Variants in MRPL43 observed in about 807,000 individuals in gnomAD.
The protein encoded by MRPL43 is large ribosomal subunit protein mL43.
A neutral mutation model predicts 12.7 loss-of-function variants in MRPL43; 9 were observed. The ratio of observed to expected loss-of-function variants is 0.71; its 90% CI spans 0.43 to 1.24. The LOEUF is 1.24. Ranked by LOEUF, MRPL43 falls within the 50% of genes most tolerant of loss-of-function variation. The probability of loss-of-function intolerance (pLI) is 0.00; values close to 1 mark genes in which losing one functional copy is unlikely to be tolerated. For synonymous variants in MRPL43, 116 were observed against 96.4 expected, an observed-to-expected ratio of 1.20 and a Z score of -1.19; for missense variants, 211 against 229.2, an observed-to-expected ratio of 0.92 and a Z score of 0.51.
At chr10:100,979,820 A>T, downstream of MRPL43, 1 of 1,609,860 alleles carries the variant, frequency 6.2e-7, no homozygotes, top group Non-Finnish European at 8.5e-7. Flanking sequence ...CATGTAACTC[A>T]CCCCCCTTGC....
At chr10:100,978,830 C>T (rs752931402), downstream of MRPL43, 1 of 1,610,914 alleles carries the variant, frequency 6.2e-7, no homozygotes, top group African/African-American at 1.3e-5. Flanking sequence ...AAAAGCCTCT[C>T]AAACTGCCTG....
At chr10:100,980,914 C>G, downstream of MRPL43, 2 of 1,612,468 alleles carry the variant, frequency 1.2e-6, no homozygotes, top group Non-Finnish European at 1.7e-6. Flanking sequence ...GCATCTTGGC[C>G]CGAGACCCCT....
At chr10:100,983,770 G>A (rs531476226), downstream of MRPL43, 20 of 1,609,794 alleles carry the variant, frequency 1.2e-5, no homozygotes, top group East Asian at 4.5e-5. Flanking sequence ...CGGGCCAGCC[G>A]GGCAGGAGGA....
At chr10:100,978,457 C>T, downstream of MRPL43, 1 of 1,592,288 alleles carries the variant, frequency 6.3e-7, no homozygotes, top group Non-Finnish European at 8.6e-7. Flanking sequence ...CTAGGACCTG[C>T]CACCATGTAT....
chr10:100,982,062 CAAAA>C (rs34646595), downstream of MRPL43, among the ~76,000 whole-genome samples: 2 of 126,842 alleles, frequency 1.6e-5, no homozygotes, highest in Admixed American at 8.3e-5. Context: ...CATCTCATCT[CAAAA>C]AAAAAAAAAA....
downstream of MRPL43, chr10:100,978,878 C>T (rs760610802): frequency 1.3e-5 from 21 of 1,614,124 alleles, no homozygotes; most frequent in Middle Eastern, 1.2e-3. Flanking sequence ...CGTCCTCGTG[C>T]GGGAGAGCAA....
chr10:100,983,713 G>C, downstream of MRPL43: 1 of 1,613,608 alleles, frequency 6.2e-7, no homozygotes, highest in Non-Finnish European at 8.5e-7. Flanking sequence ...TATGTGGCCT[G>C]TCTGCGGGAA....
downstream of MRPL43, chr10:100,981,242 T>A: frequency 1.2e-6 from 2 of 1,613,774 alleles, no homozygotes; most frequent in Non-Finnish European, 1.7e-6. Context: ...AAGTGACTCA[T>A]ATGAGTGTGG....
At chr10:100,984,765 C>T (rs938445182), downstream of MRPL43, 135 of 1,535,942 alleles carry the variant, frequency 8.8e-5, no homozygotes, top group Non-Finnish European at 1.1e-4. Context: ...ATGTGGTGAC[C>T]TCTTTGTCAA....
downstream of MRPL43, chr10:100,980,929 TG>T: frequency 6.2e-7 from 1 of 1,611,162 alleles, no homozygotes; most frequent in Non-Finnish European, 8.5e-7. Flanking sequence ...ACCCCTACTG[TG>T]GCTGGGACCC....
At chr10:100,979,063 C>T (rs1467148767), downstream of MRPL43, 1 of 1,612,952 alleles carries the variant, frequency 6.2e-7, no homozygotes, top group African/African-American at 1.3e-5. Flanking sequence ...GGCTGGACCT[C>T]TGACCCTGGC....
At chr10:100,985,194 T>A, downstream of MRPL43, 1 of 329,516 alleles carries the variant, frequency 3.0e-6, no homozygotes, top group Non-Finnish European at 5.6e-6. Flanking sequence ...AGAAATCTGA[T>A]GTCTCAACTG....
At chr10:100,983,809 G>C, downstream of MRPL43, 1 of 1,604,348 alleles carries the variant, frequency 6.2e-7, no homozygotes, top group East Asian at 2.2e-5. Flanking sequence ...ACAGTCTCAG[G>C]CCAGTGTCCT....
downstream of MRPL43, chr10:100,983,422 T>G (rs1851222273): frequency 8.1e-6 from 13 of 1,613,424 alleles, no homozygotes; most frequent in Non-Finnish European, 1.1e-5. Context: ...AGCATGGGCC[T>G]GAGCGATGGG....
downstream of MRPL43, among the ~76,000 whole-genome samples, chr10:100,981,805 C>T (rs1317786233): frequency 1.3e-5 from 2 of 152,170 alleles, no homozygotes; most frequent in Non-Finnish European, 2.9e-5. Context: ...CGCCTGTAAT[C>T]CCAGCACTTC....
downstream of MRPL43, chr10:100,978,181 A>G: frequency 1.4e-6 from 1 of 697,188 alleles, no homozygotes; most frequent in Non-Finnish European, 2.5e-6. Context: ...TGCATCTGCC[A>G]TACAACCTGC....
At chr10:100,983,454 G>T (rs374200198), downstream of MRPL43, 1 of 1,614,120 alleles carries the variant, frequency 6.2e-7, no homozygotes, top group East Asian at 2.2e-5. Flanking sequence ...CCGTGTGGGC[G>T]TGGACGGGCT....
At chr10:100,984,756 T>G (rs897779980), downstream of MRPL43, 19 of 1,535,904 alleles carry the variant, frequency 1.2e-5, no homozygotes, top group African/African-American at 8.2e-5. Flanking sequence ...CCCAGCCCCA[T>G]GTGGTGACCT....
intron 2 of MRPL43, 33 bp downstream of exon 2, chr10:100,987,057 C>T (rs1303809678): frequency 6.2e-7 from 1 of 1,610,714 alleles, no homozygotes; most frequent in Non-Finnish European, 8.5e-7. Context: ...AGCCCCTGAT[C>T]CCGCCCTCCA....
Sources: gnomAD v4.1 joint callset for allele counts (sites outside exome capture counted in the v4.1 genomes callset) on GRCh38, gnomAD v4.1.1 for gene constraint, MANE v1.5 for transcripts, NCBI Gene and HGNC (gene_info 2026-07-23, HGNC 2026-07-21) for gene names.